The following ANXA8L1 variants were observed in gnomAD, a reference collection of about 807,000 sequenced individuals.
ANXA8L1 encodes annexin A8-like protein 1.
Under a neutral mutation model 22.5 loss-of-function variants are expected in ANXA8L1, and 10 were observed. That is an observed-to-expected ratio of 0.44 (90% CI 0.27 to 0.75). The LOEUF is 0.75. Among genes scored for constraint, ANXA8L1 ranks in the 30% least tolerant of loss-of-function variants. ANXA8L1 has a pLI of 0.15. For missense variants in ANXA8L1, 88 were observed against 219.6 expected (o/e 0.40, Z 3.79); for synonymous variants, 36 against 86.0 (o/e 0.42, Z 3.22).
chr10:46,385,657 C>T, intron 8 of ANXA8L1, 55 bp from the exon 9 acceptor site: 1 of 302,508 alleles, frequency 3.3e-6, no homozygotes, highest in East Asian at 3.2e-5. Flanking sequence ...ATCCGAGACA[C>T]TGAGGGGCAT....
intron 7 of ANXA8L1, among the ~76,000 whole-genome samples, 170 bp downstream of exon 7, chr10:46,385,003 CG>C (rs1840019974): frequency 7.8e-6 from 1 of 127,686 alleles, no homozygotes; most frequent in African/African-American, 3.2e-5. Context: ...TTGGGAGACT[CG>C]GGAGGAAGGA....
chr10:46,376,768 C>T (rs1347244546), intron 1 of ANXA8L1, among the ~76,000 whole-genome samples: 1 of 92,682 alleles, frequency 1.1e-5, no homozygotes, highest in East Asian at 2.1e-4. Flanking sequence ...TTTTCCTTTC[C>T]TCCCAGGCAG....
chr10:46,384,992 G>A (rs1840019701), intron 7 of ANXA8L1, among the ~76,000 whole-genome samples, 159 bp downstream of exon 7: 1 of 131,374 alleles, frequency 7.6e-6, no homozygotes, highest in East Asian at 2.0e-4. Context: ...GAGTGAGGGT[G>A]TTGGGAGACT....
Position 46,385,452 on chromosome 10 carries a change from A to G in ANXA8L1, c.625A>G (p.Ser209Gly). 3.1e-6 allele frequency: 3 copies of G among 976,708 alleles called. 1 individual carries two copies. The highest frequency in any genetic ancestry group is 4.5e-6 in the Non-Finnish European group (3 of 659,904). The allele number at this position is 976,708 out of a possible 1,614,324, so 60.5% of individuals were successfully genotyped here. A position where few individuals can be genotyped will look rare whatever the true frequency, so the allele number is the denominator to read the frequency against. The change falls in exon 8 of 12, where the codon AGT becomes GGT. Residue 209 changes from serine (S) to glycine (G), a missense_variant. Coordinates refer to ENST00000619162, the MANE Select transcript of ANXA8L1 (RefSeq NM_001098845.3). The part of the protein sequence containing the change: ...MKFITILCTR[S>G]ATHLLRVFEE... ...ATTCATCACCATCCTGTGCACGCGC[A>G]GTGCCACTCACCTGCTGAGAGGTAC...
At position 46,376,816 on chromosome 10, in the gene ANXA8L1, T is replaced by C. The variant is rs1192196284; in HGVS notation, c.21+944T>C. ...AGGGCTGCACTTTCTGTTTTGCAGA[T>C]GATGAAATGAAGGCTCAGAGACACT... On this transcript the variant is annotated intron_variant, in intron 1 of 11. Transcript: ENST00000619162. Among the ~76,000 whole-genome samples the C allele has an allele frequency of 1.4e-4, 14 of 98,954 alleles. No homozygotes were observed. In the East Asian group the frequency reaches 3.0e-3, roughly 21 times the overall value. 64.9% of individuals were successfully genotyped at this position (98,954 alleles called of 152,430 possible).
intron 11 of ANXA8L1, among the ~76,000 whole-genome samples, chr10:46,389,425 C>T (rs1158931746): frequency 5.6e-5 from 8 of 143,280 alleles, no homozygotes; most frequent in East Asian, 4.0e-4. Context: ...TGGTAACTTA[C>T]GGCATCAGAG....
At chr10:46,377,863 T>C (rs1351466113) in intron 1 of ANXA8L1, among the ~76,000 whole-genome samples, 28,329 of 78,716 alleles carry the variant, frequency 0.36, 1,482 homozygotes, top group Non-Finnish European at 0.39. Context: ...GTTATATTAA[T>C]AGATGTAGTC....
Position 46,390,946 on chromosome 10 carries a change from GAGCAAAGACCATGA to G in ANXA8L1, c.*20_*33del. On this transcript the variant is annotated 3_prime_UTR_variant, in exon 12 of 12. Coordinates refer to ENST00000619162, the MANE Select transcript of ANXA8L1 (RefSeq NM_001098845.3). ...CGACCCCTGAGGCACAGAAGAACAA[GAGCAAAGACCATGA>G]AGCCAGAGTCTCCAGGACTCCTCAC... The G allele has an allele frequency of 7.3e-7, 1 of 1,365,450 alleles. No individual in the cohort carries two copies. Among genetic ancestry groups the G allele is most frequent in the South Asian group, 1.2e-5 (1 of 80,586 alleles). The allele number at this position is 1,365,450 out of a possible 1,614,324, so 84.6% of individuals were successfully genotyped here.
chr10:46,384,850 C>A lies in ANXA8L1; in HGVS notation c.552+17C>A, dbSNP rs1588896626. 13 of 1,612,380 alleles carry A rather than the reference C, an allele frequency of 8.1e-6. No individual in the cohort carries two copies. In the East Asian group the frequency reaches 2.9e-4, roughly 36 times the overall value. Reference sequence around the variant, plus strand: ...GACGCACAGGTGAGGCTGCGCCCAGCCGGCCATGTGGCCCCACCCCCTGCC... The same window carrying A: ...GACGCACAGGTGAGGCTGCGCCCAGACGGCCATGTGGCCCCACCCCCTGCC... On this transcript the variant is annotated intron_variant, in intron 7 of 11. Transcript: ENST00000619162.
At chr10:46,376,768 C>G (rs1347244546) in intron 1 of ANXA8L1, among the ~76,000 whole-genome samples, 1 of 92,598 alleles carries the variant, frequency 1.1e-5, no homozygotes, top group African/African-American at 4.8e-5. Flanking sequence ...TTTTCCTTTC[C>G]TCCCAGGCAG....
intron 11 of ANXA8L1, among the ~76,000 whole-genome samples, chr10:46,389,766 C>A (rs146169320): frequency 6.6e-6 from 1 of 151,420 alleles, no homozygotes; most frequent in Non-Finnish European, 1.5e-5. Flanking sequence ...CCTGTAATCC[C>A]AGTGCTTTGG....
Position 46,376,743 on chromosome 10 carries a change from C to T in ANXA8L1, c.21+871C>T, listed in dbSNP as rs1234931987. On this transcript the variant is annotated intron_variant, in intron 1 of 11. Coordinates refer to ENST00000619162, the MANE Select transcript of ANXA8L1 (RefSeq NM_001098845.3). ...GACAGAGGTGACATCTCCCGGCTCC[C>T]GGCTCTGCACACCCTTTTCCTTTCC... Among the ~76,000 whole-genome samples, 4 of 92,642 alleles carry T rather than the reference C, an allele frequency of 4.3e-5. 2 individuals are homozygous for T. Among genetic ancestry groups the T allele is most frequent in the East Asian group, 4.2e-4 (2 of 4,774 alleles). 60.8% of individuals were successfully genotyped at this position (92,642 alleles called of 152,430 possible).
chr10:46,390,118 T>C (rs1413612950), intron 11 of ANXA8L1, among the ~76,000 whole-genome samples: 18 of 150,194 alleles, frequency 1.2e-4, no homozygotes, highest in Non-Finnish European at 2.1e-4. Context: ...AAGAAGAATC[T>C]GGGTGATCTG....
At position 46,390,889 on chromosome 10, in the gene ANXA8L1, T is replaced by C. The variant is rs1554975586; in HGVS notation, c.943T>C (p.Tyr315His). 26 of 1,376,740 alleles carry C rather than the reference T, an allele frequency of 1.9e-5. 1 individual carries two copies. The highest frequency in any genetic ancestry group is 3.6e-5 in the African/African-American group (2 of 56,130). 85.3% of individuals were successfully genotyped at this position (1,376,740 alleles called of 1,614,324 possible). The part of the protein sequence containing the change: ...SMIMEDTSGD[Y>H]KNALLSLVGS... ...CCCACAGGAAGACACCAGCGGCGAC[T>C]ACAAGAACGCCCTGCTGAGCCTGGT... Residue 315 changes from tyrosine to histidine, a missense_variant, in exon 12 of 12, where the codon TAC becomes CAC. Tyr to His is a moderately conservative substitution (Grantham distance 83, BLOSUM62 2). Transcript: ENST00000619162.
At position 46,384,198 on chromosome 10, in the gene ANXA8L1, C is replaced by G. The variant is rs1840007507; in HGVS notation, c.413-8C>G. The G allele has an allele frequency of 2.3e-6, 1 of 439,518 alleles. No individual in the cohort carries two copies. 27.2% of individuals were successfully genotyped at this position (439,518 alleles called of 1,614,324 possible). A position where few individuals can be genotyped will look rare whatever the true frequency, so the allele number is the denominator to read the frequency against. ...CTGCTTGTGCCTCATGGTCCTGTTT[C>G]CCTGCAGACTATGGGTCCAGCCTGG... On this transcript the variant is annotated splice_region_variant and splice_polypyrimidine_tract_variant and intron_variant, in intron 5 of 11. Coordinates refer to ENST00000619162, the MANE Select transcript of ANXA8L1 (RefSeq NM_001098845.3).
chr10:46,375,961 G>A, intron 1 of ANXA8L1, 89 bp downstream of exon 1: 1 of 1,224,128 alleles, frequency 8.2e-7, no homozygotes. Context: ...AGTCGCCCTT[G>A]GCTGGGAGTG....
intron 1 of ANXA8L1, among the ~76,000 whole-genome samples, chr10:46,379,326 CG>C (rs1364922005): frequency 7.2e-6 from 1 of 138,862 alleles, no homozygotes; most frequent in Non-Finnish European, 1.6e-5. Context: ...CTAAACCTGA[CG>C]CTCTGAGCCC....
chr10:46,389,743 G>A (rs555559567), intron 11 of ANXA8L1, among the ~76,000 whole-genome samples: 30 of 151,536 alleles, frequency 2.0e-4, no homozygotes, highest in African/African-American at 2.7e-4. Context: ...ATCACCAGGC[G>A]TAGTGGCCCA....
At chr10:46,378,261 A>G (rs1176614753) in intron 1 of ANXA8L1, among the ~76,000 whole-genome samples, 141 of 142,914 alleles carry the variant, frequency 9.9e-4, no homozygotes, top group Middle Eastern at 7.0e-3. Context: ...CTGAGAGCTG[A>G]GATGCCTCCC....
Sources: allele counts gnomAD v4.1 joint callset (sites outside exome capture counted in the v4.1 genomes callset), GRCh38; gene constraint gnomAD v4.1.1; transcripts MANE v1.5; gene names NCBI Gene and HGNC (gene_info 2026-07-23, HGNC 2026-07-21).